Variants in AXL observed in about 807,000 individuals in gnomAD.
The protein encoded by AXL is tyrosine-protein kinase receptor UFO.
AXL carries 52 observed loss-of-function variants against 104.5 expected under a neutral mutation model. The ratio of observed to expected loss-of-function variants is 0.50; its 90% CI spans 0.40 to 0.63. AXL has a LOEUF of 0.63. Ranked by LOEUF, AXL falls within the 20% of genes least tolerant of loss-of-function variation. The pLI, the probability that AXL is intolerant of heterozygous loss-of-function variation, is 0.00. For synonymous variants in AXL, 455 were observed against 473.7 expected (o/e 0.96, Z 0.51); for missense variants, 1,024 against 1,188.5 (o/e 0.86, Z 2.04).
At chr19:41,257,319 C>T (rs1337719216) in intron 18 of AXL, among the ~76,000 whole-genome samples, 174 bp from the exon 19 acceptor site, 1 of 152,196 alleles carries the variant, frequency 6.6e-6, no homozygotes, top group East Asian at 1.9e-4. Context: ...GCTGGGATTA[C>T]AGGCATCAGC....
rs2034221838 is a variant in AXL at position 41,243,633 on chromosome 19, C to T, written c.1463C>T (p.Thr488Ile). ...ETRYGEVFEPTVERGELVVRY... is the reference protein window; with the variant it reads ...ETRYGEVFEPIVERGELVVRY... ...CCCCCCAGAGAAGTGTTTGAACCAA[C>T]AGTGGAAAGAGGTGAACTGGTAGTC... Residue 488 changes from threonine to isoleucine, a missense_variant, in exon 12 of 20, where the codon ACA becomes ATA. Coordinates refer to ENST00000301178, the MANE Select transcript of AXL (RefSeq NM_021913.5). 2.5e-6 allele frequency: 4 copies of T among 1,613,972 alleles called. No individual in the cohort carries two copies. In the East Asian group the frequency reaches 8.9e-5, roughly 36 times the overall value.
chr19:41,259,171 C>T (rs1172286393), intron 19 of AXL, among the ~76,000 whole-genome samples: 1 of 152,194 alleles, frequency 6.6e-6, no homozygotes, highest in Admixed American at 6.5e-5. Context: ...AGGATTTATT[C>T]TCCGTCTTTT....
chr19:41,242,611 T>C (rs1191703998), intron 10 of AXL, among the ~76,000 whole-genome samples: 1 of 152,148 alleles, frequency 6.6e-6, no homozygotes, highest in Admixed American at 6.5e-5. Flanking sequence ...ATAACAGGCA[T>C]GAGCCACCAC....
At position 41,260,298 on chromosome 19, in the gene AXL, C is replaced by CTTTTTTTTTTTTTTTTTTTTTTTTTTT. The variant is rs869213717; in HGVS notation, c.*399_*425dup. On this transcript the variant is annotated 3_prime_UTR_variant, in exon 20 of 20. Coordinates refer to ENST00000301178, the MANE Select transcript of AXL (RefSeq NM_021913.5). ...TAAAGTGCTAAGGTTCTAAGGCCTA[C>CTTTTTTTTTTTTTTTTTTTTTTTTTTT]TTTTTTTTTTTTTTTTTTTTTTTTT... 4.1e-5 allele frequency: 2 copies of CTTTTTTTTTTTTTTTTTTTTTTTTTTT among 48,572 alleles called. No homozygotes were observed. Among genetic ancestry groups the CTTTTTTTTTTTTTTTTTTTTTTTTTTT allele is most frequent in the Admixed American group, 2.8e-4 (1 of 3,590 alleles). 3.0% of individuals were successfully genotyped at this position (48,572 alleles called of 1,614,324 possible). A position where few individuals can be genotyped will look rare whatever the true frequency, so the allele number is the denominator to read the frequency against.
At position 41,252,358 on chromosome 19, in the gene AXL, C is replaced by G. The variant is rs755922957; in HGVS notation, c.1719C>G (p.Ile573Met). The G allele has an allele frequency of 1.2e-6, 2 of 1,613,746 alleles. No homozygotes were observed. The highest frequency in any genetic ancestry group is 2.2e-5 in the South Asian group (2 of 91,068). ...KVAVKTMKIA[I>M]CTRSELEDFL... ...CTTTCTCTCTCCCTCAAGTTGCCATCTGCACGAGGTCAGAGCTGGAGGATT... is the reference window on the plus strand; with the variant it reads ...CTTTCTCTCTCCCTCAAGTTGCCATGTGCACGAGGTCAGAGCTGGAGGATT... The change falls in exon 15 of 20, where the codon ATC becomes ATG. Residue 573 changes from isoleucine (I) to methionine (M), a missense_variant. Physicochemically the swap from Ile to Met is conservative, Grantham distance 10. Around this residue, in one of 5 missense-constraint regions of AXL, gnomAD observed 523 missense variants for 636.0 expected, o/e 0.82. Transcript: ENST00000301178.
chr19:41,227,518 C>G (rs1363746128), intron 4 of AXL, among the ~76,000 whole-genome samples: 1 of 147,304 alleles, frequency 6.8e-6, no homozygotes, highest in Non-Finnish European at 1.5e-5. Flanking sequence ...CAGAGTCTCT[C>G]TCTGTCGCCC....
intron 11 of AXL, 47 bp from the exon 12 acceptor site, chr19:41,243,569 T>C: frequency 7.0e-7 from 1 of 1,435,902 alleles, no homozygotes. Context: ...GAGTAGGGGG[T>C]TCCACATGGT....
chr19:41,252,759 G>A, intron 15 of AXL, 87 bp from the exon 16 acceptor site: 1 of 1,590,002 alleles, frequency 6.3e-7, no homozygotes, highest in Non-Finnish European at 8.6e-7. Context: ...GATGGGTAGT[G>A]AGAAGGAGAG....
chr19:41,255,732 T>G (rs1048624035), intron 17 of AXL, among the ~76,000 whole-genome samples: 1 of 151,728 alleles, frequency 6.6e-6, no homozygotes, highest in Non-Finnish European at 1.5e-5. Context: ...TGAGCCACTG[T>G]GCCTGTTTTT....
In AXL at chr19:41,257,480, C is replaced by G. The variant is rs2034472090; in HGVS notation, c.2197-13C>G. The G allele has an allele frequency of 6.2e-7, 1 of 1,614,064 alleles. No homozygotes were observed. The highest frequency in any genetic ancestry group is 1.3e-5 in the African/African-American group (1 of 74,930). ...TGCAGGAGAGACTGTCTAATTCCCT[C>G]TGCCCCTCACAGTGGTCCTTCGGGG... On this transcript the variant is annotated splice_polypyrimidine_tract_variant and intron_variant, in intron 18 of 19. Transcript: ENST00000301178.
intron 12 of AXL, among the ~76,000 whole-genome samples, chr19:41,244,560 A>G (rs1174323919): frequency 1.3e-5 from 2 of 151,948 alleles, no homozygotes; most frequent in African/African-American, 2.4e-5. Flanking sequence ...GCTCACTGCA[A>G]CCTTCACCTC....
At chr19:41,256,080 G>GGTGTGTGTGTGTGTGT (rs71177704) in intron 17 of AXL, among the ~76,000 whole-genome samples, 6 of 150,508 alleles carry the variant, frequency 4.0e-5, no homozygotes, top group African/African-American at 7.3e-5. Flanking sequence ...TGGTTACATG[G>GGTGTGTGTGTGTGTGT]GTGTGTGTGT....
At position 41,252,877 on chromosome 19, in the gene AXL, C is replaced by T. The variant is rs2034388255; in HGVS notation, c.1836C>T (p.Ser612=). The T allele has an allele frequency of 6.2e-7, 1 of 1,614,162 alleles. No individual in the cohort carries two copies. The part of the protein sequence containing the change: ...GVCFQGSERE[S]FPAPVVILPF... Reference sequence around the variant, plus strand: ...GTTTCCAGGGTTCTGAACGAGAGAGCTTCCCAGCACCTGTGGTCATCTTAC... The same window carrying T: ...GTTTCCAGGGTTCTGAACGAGAGAGTTTCCCAGCACCTGTGGTCATCTTAC... Residue 612 remains serine, a synonymous_variant, in exon 16 of 20, where the codon AGC becomes AGT. Transcript: ENST00000301178.
At position 41,242,872 on chromosome 19, in the gene AXL, C is replaced by T. The variant is rs779993620; in HGVS notation, c.1313-11C>T. ...CTTCATCCATGACCTGTTCCTCATACCCCCTGATAGTGAAGGAACCTTCAA... is the reference window on the plus strand; with the variant it reads ...CTTCATCCATGACCTGTTCCTCATATCCCCTGATAGTGAAGGAACCTTCAA... On this transcript the variant is annotated splice_polypyrimidine_tract_variant and intron_variant, in intron 10 of 19. Coordinates refer to ENST00000301178, the MANE Select transcript of AXL (RefSeq NM_021913.5). The T allele has an allele frequency of 3.7e-6, 6 of 1,614,048 alleles. No homozygotes were observed. The highest frequency in any genetic ancestry group is 5.1e-6 in the Non-Finnish European group (6 of 1,179,942).
chr19:41,254,252 T>G (rs919809821), intron 17 of AXL, among the ~76,000 whole-genome samples: 16 of 149,962 alleles, frequency 1.1e-4, no homozygotes, highest in African/African-American at 3.9e-4. Context: ...AAATTCAGCC[T>G]GGTGCGGTGG....
chr19:41,259,925 T>C lies in AXL; in HGVS notation c.*21T>C, dbSNP rs2034512025. ...CCTGAGACAACCCTCCACCTGGTAC[T>C]CCCTCTCAGGATCCAAGCTAAGCAC... On this transcript the variant is annotated 3_prime_UTR_variant, in exon 20 of 20. Transcript: ENST00000301178. 6.5e-7 allele frequency: 1 copy of C among 1,527,192 alleles called. No homozygotes were observed. The highest frequency in any genetic ancestry group is 8.8e-7 in the Non-Finnish European group (1 of 1,134,440). The allele number at this position is 1,527,192 out of a possible 1,614,324, so 94.6% of individuals were successfully genotyped here.
rs1385055657 is a variant in AXL, at chr19:41,256,464, C to G, written c.2049C>G (p.Asn683Lys). ...CCAATCCAAACAGGCTGAATGAGAA[C>G]ATGTCCGTGTGTGTGGCGGACTTCG... Reference protein sequence around the residue: ...LAARNCMLNENMSVCVADFGL... With the variant: ...LAARNCMLNEKMSVCVADFGL... Residue 683 changes from asparagine (N) to lysine (K), a missense_variant, in exon 18 of 20, where the codon AAC (asparagine) becomes AAG (lysine). Around this residue, in one of 5 missense-constraint regions of AXL, gnomAD observed 523 missense variants for 636.0 expected, o/e 0.82. Transcript: ENST00000301178. 1 of 1,613,752 alleles carries G rather than the reference C, an allele frequency of 6.2e-7. No homozygotes were observed. The highest frequency in any genetic ancestry group is 1.7e-5 in the Admixed American group (1 of 60,020).
Position 41,220,639 on chromosome 19 carries a change from C to A in AXL, c.89C>A (p.Thr30Lys), listed in dbSNP as rs891614619. ...CGWACMAPRG[T>K]QAEESPFVGN... ...ACTCTTCCCATCTCCCCTCCAGGCACGCAGGCTGAAGAAAGTCCCTTCGTG... is the reference window on the plus strand; with the variant it reads ...ACTCTTCCCATCTCCCCTCCAGGCAAGCAGGCTGAAGAAAGTCCCTTCGTG... The change falls in exon 2 of 20, where the codon ACG becomes AAG. Residue 30 changes from threonine (T) to lysine (K), a missense_variant. Transcript: ENST00000301178. The A allele has an allele frequency of 1.3e-6, 2 of 1,570,690 alleles. No homozygotes were observed. Among genetic ancestry groups the A allele is most frequent in the Non-Finnish European group, 8.6e-7 (1 of 1,157,636 alleles).
In AXL at chr19:41,242,978, T is replaced by C; in HGVS notation, c.1408T>C (p.Phe470Leu). The change falls in exon 11 of 20, where the codon TTC becomes CTC. Residue 470 changes from phenylalanine (F) to leucine (L), a missense_variant. Phe to Leu is a conservative substitution (Grantham distance 22, BLOSUM62 0). Transcript: ENST00000301178. ...AAACVLILAL[F>L]LVHRRKKETR... ...TGCCTGTGTCCTCATCTTGGCTCTC[T>C]TCCTTGTCCACCGGCGAAAGAAGGA... 6.2e-7 allele frequency: 1 copy of C among 1,614,174 alleles called. No individual in the cohort carries two copies. The highest frequency in any genetic ancestry group is 8.5e-7 in the Non-Finnish European group (1 of 1,180,012).
Sources: allele counts gnomAD v4.1 joint callset (sites outside exome capture counted in the v4.1 genomes callset), GRCh38; gene constraint gnomAD v4.1.1; regional missense constraint gnomAD v4.1.1; transcripts MANE v1.5; gene names NCBI Gene and HGNC (gene_info 2026-07-23, HGNC 2026-07-21).